SLC47A2: variants seen among roughly 807,000 people sequenced by gnomAD.
The protein encoded by SLC47A2 is multidrug and toxin extrusion protein 2.
SLC47A2 carries 52 observed loss-of-function variants against 67.7 expected under a neutral mutation model. The ratio of observed to expected loss-of-function variants is 0.77; its 90% CI spans 0.61 to 0.97. The LOEUF (loss-of-function observed/expected upper bound fraction) is 0.97, where lower values mean the gene tolerates loss of function less well. Among genes scored for constraint, SLC47A2 ranks in the 50% least tolerant of loss-of-function variants. The pLI is 0.00. For missense variants in SLC47A2, 676 were observed against 712.3 expected, an observed-to-expected ratio of 0.95 and a Z score of 0.58; for synonymous variants, 278 against 292.9, an observed-to-expected ratio of 0.95 and a Z score of 0.52.
chr17:19,678,805 C>G lies in SLC47A2; in HGVS notation c.1582G>C (p.Ala528Pro). The change falls in exon 17 of 17, where the codon GCT (alanine) becomes CCT (proline). Residue 528 changes from alanine to proline, a missense_variant. Transcript: ENST00000433844. ...TTCACTGATAGTCTGCTGGTAGGAG[C>G]TGAAAGGGCGTGGGCCTCCTCTGGA... ...RTPEEAHALSAPTSRLSVKQL... is the reference protein window; with the variant it reads ...RTPEEAHALSPPTSRLSVKQL... The G allele has an allele frequency of 6.2e-7, 1 of 1,614,196 alleles. No individual in the cohort carries two copies. The highest frequency in any genetic ancestry group is 8.5e-7 in the Non-Finnish European group (1 of 1,180,042).
At chr17:19,693,698 T>C (rs992997636) in intron 13 of SLC47A2, among the ~76,000 whole-genome samples, 3 of 152,192 alleles carry the variant, frequency 2.0e-5, no homozygotes, top group Admixed American at 1.3e-4. Context: ...CTTGGGAGGC[T>C]GAGGCAGGAG....
At chr17:19,706,069 A>G (rs115408935) in intron 9 of SLC47A2, among the ~76,000 whole-genome samples, 3,037 of 152,320 alleles carry the variant, frequency 0.02, 88 homozygotes, top group African/African-American at 0.069. Context: ...GACAGAGAAC[A>G]GGACCAGGGT....
chr17:19,685,055 G>A lies in SLC47A2; in HGVS notation c.1165-3385C>T, dbSNP rs878863093. ...GAGATGGGGTTTCGCCGTGTTGACC[G>A]GGCTGGCCTCCAGCTCCTAGCCTCG... On this transcript the variant is annotated intron_variant, in intron 13 of 16. Transcript: ENST00000433844. This position sits in a 1 kb window ranked among gnomAD's most constrained non-coding sequence, Gnocchi z 4.5. 1.3e-5 allele frequency among the ~76,000 whole-genome samples: 2 copies of A among 152,126 alleles called. No individual in the cohort carries two copies. Among genetic ancestry groups the A allele is most frequent in the African/African-American group, 2.4e-5 (1 of 41,436 alleles).
intron 13 of SLC47A2, among the ~76,000 whole-genome samples, chr17:19,683,355 C>T (rs1223566919): frequency 2.0e-5 from 3 of 152,098 alleles, no homozygotes; most frequent in African/African-American, 7.2e-5. Context: ...TCTAAAGTGC[C>T]AGTAGTGCTG....
At chr17:19,717,854 A>C (rs1249435901), upstream of SLC47A2, 2 of 152,282 alleles carry the variant, frequency 1.3e-5, no homozygotes, top group Non-Finnish European at 2.9e-5. Context: ...CTGGGAGGTC[A>C]CATTCCTGCC....
intron 13 of SLC47A2, among the ~76,000 whole-genome samples, chr17:19,684,887 G>C (rs948759408): frequency 6.6e-6 from 1 of 151,896 alleles, no homozygotes; most frequent in Middle Eastern, 3.4e-3. Context: ...CCTCTCTTGC[G>C]GAGCCTGGAC....
At chr17:19,696,669 T>C (rs1466428949) in intron 13 of SLC47A2, among the ~76,000 whole-genome samples, 2 of 152,190 alleles carry the variant, frequency 1.3e-5, no homozygotes, top group Non-Finnish European at 2.9e-5. Context: ...GGATATCTGG[T>C]CTCCAGAACT....
intron 5 of SLC47A2, 93 bp downstream of exon 5, chr17:19,712,610 G>C: frequency 8.0e-6 from 11 of 1,371,728 alleles, no homozygotes; most frequent in Non-Finnish European, 1.1e-5. Context: ...AGTCACAGCA[G>C]GATAGGGATC....
rs889272752 is a variant in SLC47A2 at position 19,695,080 on chromosome 17, T to A, written c.1164+7525A>T. 2.6e-5 allele frequency among the ~76,000 whole-genome samples: 4 copies of A among 152,098 alleles called. No individual in the cohort carries two copies. The East Asian group carries it at 7.7e-4, about 29-fold the overall frequency. ...CATAAAAGAAATTAAGAAATTGGAC[T>A]ACATTGAAAGTGAAAACTTTTGCAA... On this transcript the variant is annotated intron_variant, in intron 13 of 16. Transcript: ENST00000433844.
chr17:19,702,229 A>C lies in SLC47A2; in HGVS notation c.1164+376T>G, dbSNP rs2085804201. 6 of 985,202 alleles carry C rather than the reference A, an allele frequency of 6.1e-6. No homozygotes were observed. The South Asian group carries it at 1.9e-4, about 31-fold the overall frequency. 61.0% of individuals were successfully genotyped at this position (985,202 alleles called of 1,614,324 possible). A position where few individuals can be genotyped will look rare whatever the true frequency, so the allele number is the denominator to read the frequency against. On this transcript the variant is annotated intron_variant, in intron 13 of 16. Transcript: ENST00000433844. ...TGGGTGGGCTCGTTCCCTTGTAGAAATGTCCCTCTGTGCTGGCAACAGGAT... is the reference window on the plus strand; with the variant it reads ...TGGGTGGGCTCGTTCCCTTGTAGAACTGTCCCTCTGTGCTGGCAACAGGAT...
At chr17:19,697,068 G>A (rs2085679746) in intron 13 of SLC47A2, among the ~76,000 whole-genome samples, 1 of 152,190 alleles carries the variant, frequency 6.6e-6, no homozygotes, top group Admixed American at 6.5e-5. Context: ...GAGGCGGGCG[G>A]ATGACGAGGT....
At chr17:19,699,513 G>C (rs1044767777) in intron 13 of SLC47A2, among the ~76,000 whole-genome samples, 1 of 151,712 alleles carries the variant, frequency 6.6e-6, no homozygotes, top group African/African-American at 2.4e-5. Context: ...CCCAAGTAGC[G>C]AAGACTATAG....
intron 7 of SLC47A2, 95 bp downstream of exon 7, chr17:19,708,207 G>A: frequency 7.1e-7 from 1 of 1,410,376 alleles, no homozygotes; most frequent in Non-Finnish European, 9.8e-7. Context: ...GACGGCACAG[G>A]CAGGGCCAGG....
At chr17:19,698,341 A>G (rs1327319694) in intron 13 of SLC47A2, among the ~76,000 whole-genome samples, 1 of 152,056 alleles carries the variant, frequency 6.6e-6, no homozygotes, top group Non-Finnish European at 1.5e-5. Context: ...TACTTCTCGT[A>G]TCAGTACTTT....
chr17:19,695,511 ACAG>A (rs2085641094), intron 13 of SLC47A2, among the ~76,000 whole-genome samples: 1 of 126,972 alleles, frequency 7.9e-6, no homozygotes, highest in Non-Finnish European at 1.6e-5. Flanking sequence ...AAAAAAAAAA[ACAG>A]CAAAAAAAAA....
chr17:19,713,750 G>A, intron 4 of SLC47A2, 75 bp downstream of exon 4: 1 of 1,550,074 alleles, frequency 6.5e-7, no homozygotes, highest in Non-Finnish European at 8.7e-7. Context: ...TGTGAGGGCT[G>A]GGCATCTTCA....
intron 13 of SLC47A2, among the ~76,000 whole-genome samples, chr17:19,682,365 A>ACAC (rs55725189): frequency 2.0e-5 from 3 of 147,318 alleles, no homozygotes; most frequent in African/African-American, 5.2e-5. Context: ...ACACACACAC[A>ACAC]AATTTATTAT....
intron 3 of SLC47A2, 21 bp from the exon 4 acceptor site, chr17:19,713,994 C>T (rs761632850): frequency 1.2e-6 from 2 of 1,605,470 alleles, no homozygotes; most frequent in Non-Finnish European, 8.5e-7. Context: ...GCCCGCCCCG[C>T]GTCAGCCGTT....
chr17:19,714,584 G>T, intron 3 of SLC47A2, 137 bp downstream of exon 3: 1 of 941,758 alleles, frequency 1.1e-6, no homozygotes, highest in Non-Finnish European at 1.7e-6. Flanking sequence ...TTGGAGGTAG[G>T]GCAGGGGCAG....
Sources: gnomAD v4.1 joint callset for allele counts (sites outside exome capture counted in the v4.1 genomes callset) on GRCh38, gnomAD v4.1.1 for gene constraint, Gnocchi (gnomAD v3.1) non-coding constraint, MANE v1.5 for transcripts, NCBI Gene and HGNC (gene_info 2026-07-23, HGNC 2026-07-21) for gene names.